Variants in EPB41 observed in about 807,000 individuals in gnomAD.
EPB41 encodes protein 4.1.
EPB41 carries 65 observed loss-of-function variants against 108.0 expected under a neutral mutation model. The ratio of observed to expected loss-of-function variants is 0.60; its 90% CI spans 0.49 to 0.74. EPB41 has a LOEUF of 0.74. Ranked by LOEUF, EPB41 falls within the 30% of genes least tolerant of loss-of-function variation. EPB41 has a pLI of 0.00. For synonymous variants in EPB41, 336 were observed against 358.9 expected, an observed-to-expected ratio of 0.94 and a Z score of 0.72; for missense variants, 875 against 1,037.0, an observed-to-expected ratio of 0.84 and a Z score of 2.15.
At chr1:28,925,990 G>T (rs925497405) in intron 1 of EPB41, among the ~76,000 whole-genome samples, 5 of 151,976 alleles carry the variant, frequency 3.3e-5, no homozygotes, top group African/African-American at 1.2e-4. Flanking sequence ...GATGTGGGAG[G>T]ATTGTTTGAG....
intron 1 of EPB41, among the ~76,000 whole-genome samples, chr1:28,935,683 G>A (rs986088797): frequency 6.6e-5 from 10 of 151,964 alleles, no homozygotes; most frequent in Admixed American, 5.2e-4. Flanking sequence ...CACTTTGAGA[G>A]GCTGAGGCAG....
intron 1 of EPB41, among the ~76,000 whole-genome samples, chr1:28,904,198 T>A (rs157233): frequency 0.12 from 17,948 of 150,224 alleles, 1,481 homozygotes; most frequent in African/African-American, 0.24. Flanking sequence ...AAACTTTTTC[T>A]TGCCATCACT....
intron 1 of EPB41, among the ~76,000 whole-genome samples, chr1:28,979,714 CTTTTTT>C (rs34603544): frequency 6.9e-6 from 1 of 145,458 alleles, no homozygotes; most frequent in South Asian, 2.1e-4. Flanking sequence ...ACTGTCCTCA[CTTTTTT>C]TTTTTTTAAT....
chr1:29,113,858 G>A (rs995476476), intron 19 of EPB41, among the ~76,000 whole-genome samples: 5 of 152,136 alleles, frequency 3.3e-5, no homozygotes, highest in Non-Finnish European at 5.9e-5. Context: ...TCTGGCTGGC[G>A]AGGGAGGCAC....
intron 1 of EPB41, among the ~76,000 whole-genome samples, chr1:28,986,370 T>C (rs2095869554): frequency 6.6e-6 from 1 of 152,204 alleles, no homozygotes; most frequent in Non-Finnish European, 1.5e-5. Flanking sequence ...AAAGTAGACG[T>C]GACAATGCTC....
chr1:28,901,123 G>A (rs1242800903), intron 1 of EPB41, among the ~76,000 whole-genome samples: 4 of 151,928 alleles, frequency 2.6e-5, no homozygotes, highest in African/African-American at 9.7e-5. Context: ...TAGAGATGGG[G>A]TTTCACTGTG....
chr1:29,076,963 C>G (rs1442944415), intron 16 of EPB41, among the ~76,000 whole-genome samples: 1 of 152,150 alleles, frequency 6.6e-6, no homozygotes, highest in Non-Finnish European at 1.5e-5. Flanking sequence ...ACCTTTGTAT[C>G]CCATTTACCA....
rs776673740 is a variant in EPB41 at position 29,033,180 on chromosome 1, T to C, written c.1300T>C (p.Trp434Arg). 1 of 1,613,934 alleles carries C rather than the reference T, an allele frequency of 6.2e-7. No homozygotes were observed. Among genetic ancestry groups the C allele is most frequent in the African/African-American group, 1.3e-5 (1 of 74,930 alleles). The change falls in exon 9 of 21, where the codon TGG (tryptophan) becomes CGG (arginine). Residue 434 changes from tryptophan to arginine, a missense_variant. Coordinates refer to ENST00000343067, the MANE Select transcript of EPB41 (RefSeq NM_001376013.1). ...TAAGCTGAGAATTAACCGCTTCCCT[T>C]GGCCCAAAGTGCTGAAGATTTCTTA... Reference protein sequence around the residue: ...KDKLRINRFPWPKVLKISYKR... With the variant: ...KDKLRINRFPRPKVLKISYKR...
At chr1:28,992,718 C>T (rs1378581359) in intron 2 of EPB41, among the ~76,000 whole-genome samples, 2 of 152,076 alleles carry the variant, frequency 1.3e-5, no homozygotes, top group African/African-American at 4.8e-5. Flanking sequence ...AAATGTTATC[C>T]TACTTATCGG....
At chr1:29,024,303 C>A (rs374073568) in intron 7 of EPB41, among the ~76,000 whole-genome samples, 5 of 150,730 alleles carry the variant, frequency 3.3e-5, no homozygotes, top group African/African-American at 1.2e-4. Flanking sequence ...CCACTGCACT[C>A]TAGCCTGGGT....
rs148016842 is a variant in EPB41 at position 28,971,436 on chromosome 1, C to T, written c.-7-15995C>T. On this transcript the variant is annotated intron_variant, in intron 1 of 20. Transcript: ENST00000343067. ...TGACCTCAAGTGATCCACCTGGCTT[C>T]GGCTTCTCAAAGTGCTGGGATTACA... is the stretch of plus-strand genomic sequence containing the variant. 4.4e-3 allele frequency among the ~76,000 whole-genome samples: 664 copies of T among 151,224 alleles called. 4 individuals are homozygous for T. Among genetic ancestry groups the T allele is most frequent in the African/African-American group, 0.015 (629 of 41,178 alleles).
intron 1 of EPB41, among the ~76,000 whole-genome samples, chr1:28,950,455 G>C (rs1180129413): frequency 6.6e-6 from 1 of 152,198 alleles, no homozygotes. Context: ...ATTTTAGTGT[G>C]AATGTTTAAG....
intron 12 of EPB41, among the ~76,000 whole-genome samples, chr1:29,055,706 T>G (rs1356230237): frequency 6.6e-6 from 1 of 151,476 alleles, no homozygotes; most frequent in East Asian, 1.9e-4. Context: ...TCCCAGCAAT[T>G]TGGGAGGCCA....
chr1:28,891,260 G>A (rs1396849923), intron 1 of EPB41, among the ~76,000 whole-genome samples: 2 of 152,238 alleles, frequency 1.3e-5, no homozygotes, highest in Admixed American at 1.3e-4. Context: ...AAGGGTTAGA[G>A]GAGAGCTTGG....
intron 15 of EPB41, among the ~76,000 whole-genome samples, chr1:29,063,738 A>G (rs1159726848): frequency 1.3e-5 from 2 of 152,232 alleles, no homozygotes; most frequent in Admixed American, 6.5e-5. Context: ...GCCTTGATAT[A>G]TAATAAACAC....
chr1:29,034,645 G>T (rs1186623709), intron 9 of EPB41, among the ~76,000 whole-genome samples: 1 of 152,140 alleles, frequency 6.6e-6, no homozygotes. Context: ...AGAGGCAAGA[G>T]GTCAGCAGGA....
At chr1:29,087,582 G>A (rs1166162172) in intron 16 of EPB41, among the ~76,000 whole-genome samples, 3 of 150,598 alleles carry the variant, frequency 2.0e-5, no homozygotes, top group Non-Finnish European at 1.5e-5. Context: ...GGCTGGTCTC[G>A]AACTCCCAAC....
chr1:29,103,429 G>A (rs1434018176), intron 17 of EPB41, among the ~76,000 whole-genome samples: 2 of 152,126 alleles, frequency 1.3e-5, no homozygotes, highest in African/African-American at 2.4e-5. Context: ...TCTTAATTCC[G>A]ACATTTGCTA....
At chr1:29,105,362 T>C (rs1666779513) in intron 17 of EPB41, among the ~76,000 whole-genome samples, 1 of 151,888 alleles carries the variant, frequency 6.6e-6, no homozygotes, top group Admixed American at 6.6e-5. Context: ...CTCAGCCTCC[T>C]GAGTAGCCAG....
Sources: gnomAD v4.1 joint callset for allele counts (sites outside exome capture counted in the v4.1 genomes callset) on GRCh38, gnomAD v4.1.1 for gene constraint, MANE v1.5 for transcripts, NCBI Gene and HGNC (gene_info 2026-07-23, HGNC 2026-07-21) for gene names.